MDGA1: variants seen among roughly 807,000 people sequenced by gnomAD.
The protein encoded by MDGA1 is MAM domain containing glycosylphosphatidylinositol anchor 1, also known as MAM domain-containing glycosylphosphatidylinositol anchor protein 1.
MDGA1 carries 54 observed loss-of-function variants against 101.5 expected under a neutral mutation model. That is an observed-to-expected ratio of 0.53 (90% CI 0.43 to 0.67). MDGA1 has a LOEUF of 0.67. Ranked by LOEUF, MDGA1 falls within the 30% of genes least tolerant of loss-of-function variation. The pLI is 0.00. For missense variants in MDGA1, 1,083 were observed against 1,323.8 expected (o/e 0.82, Z 2.82); for synonymous variants, 533 against 558.3 (o/e 0.95, Z 0.64).
chr6:37,671,057 C>A (rs1761858875), intron 1 of MDGA1, among the ~76,000 whole-genome samples: 1 of 152,160 alleles, frequency 6.6e-6, no homozygotes, highest in African/African-American at 2.4e-5. Context: ...TGCCTCTGGT[C>A]TATGACACTT....
intron 1 of MDGA1, among the ~76,000 whole-genome samples, chr6:37,690,452 T>C (rs1013174020): frequency 6.6e-6 from 1 of 152,182 alleles, no homozygotes; most frequent in Non-Finnish European, 1.5e-5. Flanking sequence ...ATACTTATGA[T>C]CACAGGCTGG....
intron 1 of MDGA1, among the ~76,000 whole-genome samples, chr6:37,676,396 T>C (rs1161553519): frequency 6.6e-6 from 1 of 152,202 alleles, no homozygotes; most frequent in Non-Finnish European, 1.5e-5. Flanking sequence ...AACATGGCTC[T>C]CTCCAAGGCC....
intron 3 of MDGA1, among the ~76,000 whole-genome samples, chr6:37,656,893 T>G (rs1761501367): frequency 6.6e-6 from 1 of 152,210 alleles, no homozygotes; most frequent in African/African-American, 2.4e-5. Flanking sequence ...TTAGTAGTTC[T>G]TGGCCCTGTT....
chr6:37,679,394 G>C (rs1762046709), intron 1 of MDGA1, among the ~76,000 whole-genome samples: 1 of 152,176 alleles, frequency 6.6e-6, no homozygotes, highest in Admixed American at 6.5e-5. Flanking sequence ...GGAATGGACA[G>C]TGGGTGGGTG....
At position 37,654,374 on chromosome 6, in the gene MDGA1, G is replaced by A. The variant is rs1761433959; in HGVS notation, c.882C>T (p.Ser294=). Residue 294 remains serine, a synonymous_variant, in exon 6 of 17, where the codon AGC becomes AGT. Transcript: ENST00000434837. ...LGALAQGGTL[S]IPSVQARDSG... ...AGTCCCGGGCCTGCACTGAAGGGATGCTGAGGGTGCCACCCTGGGCCAGAG... is the reference window on the plus strand; with the variant it reads ...AGTCCCGGGCCTGCACTGAAGGGATACTGAGGGTGCCACCCTGGGCCAGAG... 1 of 1,613,468 alleles carries A rather than the reference G, an allele frequency of 6.2e-7. No individual in the cohort carries two copies. The highest frequency in any genetic ancestry group is 1.3e-5 in the African/African-American group (1 of 75,068).
intron 1 of MDGA1, among the ~76,000 whole-genome samples, chr6:37,690,025 C>G (rs1351551511): frequency 1.3e-5 from 2 of 152,230 alleles, no homozygotes; most frequent in African/African-American, 4.8e-5. Flanking sequence ...TCATAGCCTT[C>G]AAGGCTCCAA....
At chr6:37,637,749 G>A (rs1763962814) in intron 16 of MDGA1, among the ~76,000 whole-genome samples, 1 of 152,194 alleles carries the variant, frequency 6.6e-6, no homozygotes, top group Admixed American at 6.5e-5. Flanking sequence ...CCAATGGTGT[G>A]TACTACCCCA....
chr6:37,646,591 A>G (rs1158737575), intron 10 of MDGA1, among the ~76,000 whole-genome samples: 1 of 152,214 alleles, frequency 6.6e-6, no homozygotes, highest in Non-Finnish European at 1.5e-5. Flanking sequence ...TTACAATCCT[A>G]TGAGGCAAAA....
chr6:37,646,945 C>T (rs1334639294), intron 10 of MDGA1, among the ~76,000 whole-genome samples: 1 of 152,214 alleles, frequency 6.6e-6, no homozygotes, highest in East Asian at 1.9e-4. Context: ...CTGCCCAATT[C>T]TCAGAGCTGT....
chr6:37,676,925 AG>A (rs1761992875), intron 1 of MDGA1, among the ~76,000 whole-genome samples: 1 of 151,910 alleles, frequency 6.6e-6, no homozygotes, highest in South Asian at 2.1e-4. Context: ...AAAAAGGAAA[AG>A]CAACCAAACC....
intron 1 of MDGA1, among the ~76,000 whole-genome samples, chr6:37,682,256 G>GACCTCA (rs1416862700): frequency 1.3e-5 from 2 of 152,324 alleles, no homozygotes; most frequent in Admixed American, 6.5e-5. Flanking sequence ...AGGCCGAGGT[G>GACCTCA]GGCAGATCAC....
At chr6:37,686,898 C>T (rs911902416) in intron 1 of MDGA1, among the ~76,000 whole-genome samples, 6 of 152,214 alleles carry the variant, frequency 3.9e-5, no homozygotes, top group African/African-American at 1.4e-4. Context: ...TTCTTTCTAG[C>T]AAACAGGCCT....
intron 6 of MDGA1, among the ~76,000 whole-genome samples, chr6:37,653,679 A>G (rs888154727): frequency 2.0e-5 from 3 of 152,264 alleles, no homozygotes; most frequent in Non-Finnish European, 2.9e-5. Flanking sequence ...CAGAGTGTCA[A>G]AATCAAGATC....
At chr6:37,675,727 G>T (rs902318851) in intron 1 of MDGA1, among the ~76,000 whole-genome samples, 4 of 152,166 alleles carry the variant, frequency 2.6e-5, no homozygotes, top group African/African-American at 7.2e-5. Flanking sequence ...GGGACCCATG[G>T]ACACAGGGTT....
In MDGA1 at chr6:37,650,095, C is replaced by T. The variant is rs1761320975; in HGVS notation, c.1609+14G>A. 2 of 1,610,438 alleles carry T rather than the reference C, an allele frequency of 1.2e-6. No individual in the cohort carries two copies. Among genetic ancestry groups the T allele is most frequent in the African/African-American group, 1.3e-5 (1 of 74,922 alleles). ...AAAGCTGGGAAGGTAGTCCGGGTGG[C>T]GTGGTGGACTCACACTGCACGTTCA... On this transcript the variant is annotated intron_variant, in intron 8 of 16. Coordinates refer to ENST00000434837, the MANE Select transcript of MDGA1 (RefSeq NM_153487.4).
rs549600336 is a variant in MDGA1, at chr6:37,632,920, G to C, written c.*4448C>G. ...CAGGAAGAATGCATGGAGACCTAGAGGGCCACCAGAGTTGGGCTGAGATGG... is the reference window on the plus strand; with the variant it reads ...CAGGAAGAATGCATGGAGACCTAGACGGCCACCAGAGTTGGGCTGAGATGG... On this transcript the variant is annotated 3_prime_UTR_variant, in exon 17 of 17. Coordinates refer to ENST00000434837, the MANE Select transcript of MDGA1 (RefSeq NM_153487.4). The C allele has an allele frequency of 3.1e-4, 47 of 152,870 alleles. 1 individual carries two copies. Among genetic ancestry groups the C allele is most frequent in the Admixed American group, 3.0e-3 (46 of 15,298 alleles). The allele number at this position is 152,870 out of a possible 1,614,324, so 9.5% of individuals were successfully genotyped here.
chr6:37,656,055 A>G (rs1345594505), intron 3 of MDGA1, among the ~76,000 whole-genome samples, 159 bp from the exon 4 acceptor site: 3 of 149,038 alleles, frequency 2.0e-5, no homozygotes, highest in Non-Finnish European at 3.0e-5. Context: ...AACCTGTTAG[A>G]GGCAGGGGAT....
chr6:37,696,846 G>C lies in MDGA1; in HGVS notation c.-35C>G. ...CGGTGCTTCATCCCCGCGAGGCGGCGCAGCCCGAGAGGCGGCGGGGGGCGC... is the reference window on the plus strand; with the variant it reads ...CGGTGCTTCATCCCCGCGAGGCGGCCCAGCCCGAGAGGCGGCGGGGGGCGC... On this transcript the variant is annotated 5_prime_UTR_variant, in exon 1 of 17. Coordinates refer to ENST00000434837, the MANE Select transcript of MDGA1 (RefSeq NM_153487.4). The surrounding 1 kb of genome is among the most constrained non-coding windows in gnomAD (Gnocchi z 5.6). 6.5e-7 allele frequency: 1 copy of C among 1,547,692 alleles called. No homozygotes were observed.
chr6:37,692,674 C>T (rs1285726093), intron 1 of MDGA1, among the ~76,000 whole-genome samples: 1 of 149,112 alleles, frequency 6.7e-6, no homozygotes, highest in Non-Finnish European at 1.5e-5. Flanking sequence ...CCTACAGATT[C>T]CACCCCCCTT....
Sources: allele counts gnomAD v4.1 joint callset (sites outside exome capture counted in the v4.1 genomes callset), GRCh38; gene constraint gnomAD v4.1.1; non-coding constraint Gnocchi (gnomAD v3.1); transcripts MANE v1.5; gene names NCBI Gene and HGNC (gene_info 2026-07-23, HGNC 2026-07-21).